The following MDFIC variants were observed in gnomAD, a reference collection of about 807,000 sequenced individuals.
MDFIC encodes MyoD family inhibitor domain containing, also known as myoD family inhibitor domain-containing protein.
A neutral mutation model predicts 23.2 loss-of-function variants in MDFIC; 17 were observed. That is an observed-to-expected ratio of 0.73 (90% CI 0.50 to 1.10). The LOEUF is 1.10. Ranked by LOEUF, MDFIC falls within the 50% of genes least tolerant of loss-of-function variation. The pLI is 0.00. For synonymous variants in MDFIC, 120 were observed against 115.2 expected, an observed-to-expected ratio of 1.04 and a Z score of -0.27; for missense variants, 356 against 316.6, an observed-to-expected ratio of 1.12 and a Z score of -0.95.
At chr7:115,008,536 G>A (rs1354634319) in intron 4 of MDFIC, among the ~76,000 whole-genome samples, 1 of 152,180 alleles carries the variant, frequency 6.6e-6, no homozygotes, top group Non-Finnish European at 1.5e-5. Flanking sequence ...AGCGTTCTGT[G>A]TAGGAGGCTC....
chr7:114,938,804 A>G (rs1304330367), intron 2 of MDFIC, among the ~76,000 whole-genome samples: 2 of 151,898 alleles, frequency 1.3e-5, no homozygotes, highest in African/African-American at 4.8e-5. Flanking sequence ...GGTCTACCCT[A>G]CTAGTTGAGT....
intron 3 of MDFIC, among the ~76,000 whole-genome samples, chr7:114,944,052 T>A (rs946939641): frequency 6.6e-6 from 1 of 152,206 alleles, no homozygotes; most frequent in Non-Finnish European, 1.5e-5. Flanking sequence ...TTAAAAAGAA[T>A]GAATTAAAAT....
chr7:114,931,308 C>T (rs112727340), intron 2 of MDFIC, among the ~76,000 whole-genome samples: 44 of 152,294 alleles, frequency 2.9e-4, no homozygotes, highest in African/African-American at 1.0e-3. Context: ...TTTTTACTTA[C>T]AGTCTACTTC....
chr7:114,998,899 G>A (rs915198096), intron 4 of MDFIC, among the ~76,000 whole-genome samples: 12 of 152,128 alleles, frequency 7.9e-5, no homozygotes, highest in East Asian at 1.9e-4. Flanking sequence ...TTATGTCGAG[G>A]GGTGTGACTG....
chr7:114,977,137 G>A (rs1793331785), intron 3 of MDFIC, among the ~76,000 whole-genome samples: 1 of 152,078 alleles, frequency 6.6e-6, no homozygotes, highest in Admixed American at 6.6e-5. Flanking sequence ...TGTTGTTGCT[G>A]GTGATTTTGC....
At chr7:114,935,056 A>C (rs746827819) in intron 2 of MDFIC, among the ~76,000 whole-genome samples, 18 of 152,128 alleles carry the variant, frequency 1.2e-4, no homozygotes, top group Non-Finnish European at 2.4e-4. Flanking sequence ...CATTATTCTG[A>C]ACTGCTGGGA....
chr7:114,997,435 T>G (rs1791356818), intron 4 of MDFIC, among the ~76,000 whole-genome samples: 1 of 151,748 alleles, frequency 6.6e-6, no homozygotes, highest in African/African-American at 2.4e-5. Context: ...TGCGCGCGTG[T>G]GTTTTATCTC....
intron 3 of MDFIC, among the ~76,000 whole-genome samples, chr7:114,943,992 T>G (rs1792599016): frequency 6.6e-6 from 1 of 152,176 alleles, no homozygotes; most frequent in African/African-American, 2.4e-5. Flanking sequence ...ATGTGTTAAA[T>G]TTGTTTATAT....
chr7:114,923,039 C>T lies in MDFIC; in HGVS notation c.6C>T (p.Ser2=). ...CGGGCTCGGCGGAGCGGCCCATGTC[C>T]GGCGCGGGCGAAGCCCTCGCTCCCG... The part of the protein sequence containing the change: M[S]GAGEALAPGP... The change falls in exon 2 of 5, where the codon TCC becomes TCT. Residue 2 remains serine (S), a synonymous_variant. Transcript: ENST00000393486. 2 of 1,368,360 alleles carry T rather than the reference C, an allele frequency of 1.5e-6. No homozygotes were observed. Among genetic ancestry groups the T allele is most frequent in the South Asian group, 1.7e-5 (1 of 57,700 alleles). The allele number at this position is 1,368,360 out of a possible 1,614,324, so 84.8% of individuals were successfully genotyped here. A position where few individuals can be genotyped will look rare whatever the true frequency, so the allele number is the denominator to read the frequency against.
intron 4 of MDFIC, among the ~76,000 whole-genome samples, chr7:115,010,066 T>G (rs796463297): frequency 4.0e-5 from 5 of 124,440 alleles, no homozygotes; most frequent in African/African-American, 1.9e-4. Context: ...ACTGAAATCT[T>G]AAGAACAGGG....
intron 3 of MDFIC, among the ~76,000 whole-genome samples, chr7:114,945,614 A>G (rs10259595): frequency 0.81 from 123,626 of 152,110 alleles, 52,008 homozygotes; most frequent in Non-Finnish European, 0.92. Context: ...AAAAGAAGAA[A>G]CTCATATGGA....
At chr7:114,992,721 C>G (rs952880327) in intron 4 of MDFIC, among the ~76,000 whole-genome samples, 2 of 152,122 alleles carry the variant, frequency 1.3e-5, no homozygotes, top group African/African-American at 4.8e-5. Context: ...GGTGGATAAG[C>G]TTTTTGATGT....
At chr7:115,015,499 A>G (rs959484506) in intron 4 of MDFIC, among the ~76,000 whole-genome samples, 189 bp from the exon 5 acceptor site, 14 of 152,030 alleles carry the variant, frequency 9.2e-5, no homozygotes, top group Admixed American at 1.3e-4. Flanking sequence ...CTAAGTATCT[A>G]CTTCTAAAGA....
intron 3 of MDFIC, among the ~76,000 whole-genome samples, chr7:114,969,676 G>T (rs1437717881): frequency 6.6e-6 from 1 of 152,144 alleles, no homozygotes; most frequent in Non-Finnish European, 1.5e-5. Flanking sequence ...ATCTACTATG[G>T]TCTTGTTTTT....
At chr7:114,952,431 A>G (rs1792795937) in intron 3 of MDFIC, among the ~76,000 whole-genome samples, 1 of 151,538 alleles carries the variant, frequency 6.6e-6, no homozygotes. Flanking sequence ...TTTTTTTTCA[A>G]CTAGCCTTTA....
At chr7:114,949,226 A>G (rs1051810468) in intron 3 of MDFIC, among the ~76,000 whole-genome samples, 3 of 151,894 alleles carry the variant, frequency 2.0e-5, no homozygotes, top group Non-Finnish European at 1.5e-5. Context: ...TTATTCCTAA[A>G]TTATTTGGGT....
At chr7:114,978,013 A>G (rs1209344489) in intron 3 of MDFIC, among the ~76,000 whole-genome samples, 1 of 148,362 alleles carries the variant, frequency 6.7e-6, no homozygotes, top group Non-Finnish European at 1.5e-5. Context: ...TATTAATATT[A>G]TTATATTAAT....
chr7:114,990,711 G>A (rs950559338), intron 4 of MDFIC, among the ~76,000 whole-genome samples: 1 of 152,146 alleles, frequency 6.6e-6, no homozygotes, highest in Non-Finnish European at 1.5e-5. Context: ...GTATTCCATG[G>A]TGTATATGTG....
intron 4 of MDFIC, among the ~76,000 whole-genome samples, chr7:115,011,249 G>A (rs947931407): frequency 1.3e-5 from 2 of 152,022 alleles, no homozygotes; most frequent in African/African-American, 4.8e-5. Flanking sequence ...TGGTAAAATA[G>A]GCATAATACC....
Sources: gnomAD v4.1 joint callset for allele counts (sites outside exome capture counted in the v4.1 genomes callset) on GRCh38, gnomAD v4.1.1 for gene constraint, MANE v1.5 for transcripts, NCBI Gene and HGNC (gene_info 2026-07-23, HGNC 2026-07-21) for gene names.